The following JMJD1C variants were observed in gnomAD, a reference collection of about 807,000 sequenced individuals.
The protein encoded by JMJD1C is jumonji domain-containing protein 1C.
In JMJD1C, 31 loss-of-function variants were observed where a neutral mutation model predicts 245.3. That is an observed-to-expected ratio of 0.13 (90% CI 0.09 to 0.17). The LOEUF is 0.17. Ranked by LOEUF, JMJD1C falls within the 10% of genes least tolerant of loss-of-function variation. The pLI, the probability that JMJD1C is intolerant of heterozygous loss-of-function variation, is 1.00. For synonymous variants in JMJD1C, 1,057 were observed against 1,017.4 expected (o/e 1.04, Z -0.74); for missense variants, 2,691 against 3,000.2 (o/e 0.90, Z 2.41).
Position 63,193,004 on chromosome 10 carries a change from C to T in JMJD1C, c.6010G>A (p.Glu2004Lys). ...AACCAGTGCAGTGGTGACTGGGATT[C>T]TGGAGGAGTTAACTTGTTATCTGTG... is the stretch of plus-strand genomic sequence containing the variant. ...VGTDNKLTPPESQSPLHWLAD... is the reference protein window; with the variant it reads ...VGTDNKLTPPKSQSPLHWLAD... Residue 2004 changes from glutamate to lysine, a missense_variant, in exon 16 of 26, where the codon GAA becomes AAA. By Grantham distance (56) the Glu-to-Lys change is moderately conservative (BLOSUM62 1). Coordinates refer to ENST00000399262, the MANE Select transcript of JMJD1C (RefSeq NM_032776.3). 6.2e-7 allele frequency: 1 copy of T among 1,614,064 alleles called. No homozygotes were observed. The highest frequency in any genetic ancestry group is 1.7e-5 in the Admixed American group (1 of 60,014).
At chr10:63,245,499 T>TTTTTTTTTTA (rs1852089754) in intron 3 of JMJD1C, among the ~76,000 whole-genome samples, 2 of 146,392 alleles carry the variant, frequency 1.4e-5, no homozygotes, top group East Asian at 2.0e-4. Context: ...TTTTTTTTTT[T>TTTTTTTTTTA]GAGATGAAGT....
intron 3 of JMJD1C, among the ~76,000 whole-genome samples, chr10:63,223,664 C>T (rs865890811): frequency 2.0e-4 from 31 of 152,278 alleles, no homozygotes; most frequent in African/African-American, 7.2e-4. Flanking sequence ...AAATAATGGG[C>T]TATAAAACCA....
At chr10:63,493,403 T>G (rs1236090913) in intron 1 of JMJD1C, among the ~76,000 whole-genome samples, 1 of 151,754 alleles carries the variant, frequency 6.6e-6, no homozygotes, top group Admixed American at 6.6e-5. Flanking sequence ...TGCCTCCGCC[T>G]CATGAGTAGC....
chr10:63,380,203 C>CA (rs1231732223), intron 2 of JMJD1C, 115 bp downstream of exon 2: 1 of 1,040,028 alleles, frequency 9.6e-7, no homozygotes, highest in Admixed American at 1.8e-5. Context: ...TTCAGCCTCT[C>CA]AAAGTGCTAG....
Position 63,184,743 on chromosome 10 carries a change from A to C in JMJD1C, c.6831-5T>G. 1 of 1,600,834 alleles carries C rather than the reference A, an allele frequency of 6.2e-7. No homozygotes were observed. The highest frequency in any genetic ancestry group is 8.5e-7 in the Non-Finnish European group (1 of 1,175,384). ...CTTTTTAAAAGATCTTCGTATCTGAAGAAAAACAACATTGCCTTCTTATAA... is the reference window on the plus strand; with the variant it reads ...CTTTTTAAAAGATCTTCGTATCTGACGAAAAACAACATTGCCTTCTTATAA... On this transcript the variant is annotated splice_polypyrimidine_tract_variant and splice_region_variant and intron_variant, in intron 20 of 25. Coordinates refer to ENST00000399262, the MANE Select transcript of JMJD1C (RefSeq NM_032776.3).
chr10:63,476,603 C>G (rs1953668497), intron 1 of JMJD1C, among the ~76,000 whole-genome samples: 1 of 152,072 alleles, frequency 6.6e-6, no homozygotes, highest in Non-Finnish European at 1.5e-5. Context: ...TGTGCACATG[C>G]AGCCCAAGCT....
intron 2 of JMJD1C, among the ~76,000 whole-genome samples, chr10:63,363,599 C>A (rs941039936): frequency 2.0e-5 from 3 of 152,042 alleles, no homozygotes; most frequent in Non-Finnish European, 4.4e-5. Context: ...CAGTTCCCAC[C>A]ATCACTTCTA....
intron 1 of JMJD1C, among the ~76,000 whole-genome samples, chr10:63,386,710 A>G (rs574837544): frequency 6.6e-6 from 1 of 152,160 alleles, no homozygotes; most frequent in African/African-American, 2.4e-5. Flanking sequence ...TGCCAACACC[A>G]AAGTGAAATG....
Position 63,441,544 on chromosome 10 carries a change from T to G in JMJD1C, c.168+23951A>C, listed in dbSNP as rs575893202. Among the ~76,000 whole-genome samples the G allele has an allele frequency of 9.2e-5, 14 of 152,244 alleles. No individual in the cohort carries two copies. In the South Asian group the frequency reaches 2.9e-3, roughly 32 times the overall value. Reference sequence around the variant, plus strand: ...ATTAATGGGAACTAATACCAATCACTCCTCCCTTCCTCCTGCATTAGATCA... The same window carrying G: ...ATTAATGGGAACTAATACCAATCACGCCTCCCTTCCTCCTGCATTAGATCA... On this transcript the variant is annotated intron_variant, in intron 1 of 25. Transcript: ENST00000399262.
chr10:63,357,836 C>CACAG, intron 2 of JMJD1C, among the ~76,000 whole-genome samples: 1 of 141,190 alleles, frequency 7.1e-6, no homozygotes, highest in East Asian at 2.0e-4. Flanking sequence ...GACACACACA[C>CACAG]ACACACACAC....
At chr10:63,435,962 A>G (rs1951038202) in intron 1 of JMJD1C, among the ~76,000 whole-genome samples, 1 of 152,162 alleles carries the variant, frequency 6.6e-6, no homozygotes, top group Non-Finnish European at 1.5e-5. Context: ...TAAATACCCA[A>G]TATGGTGGAA....
At chr10:63,505,076 G>T (rs1954676096) in intron 1 of JMJD1C, among the ~76,000 whole-genome samples, 1 of 152,136 alleles carries the variant, frequency 6.6e-6, no homozygotes, top group Non-Finnish European at 1.5e-5. Flanking sequence ...ACTTTGGGAG[G>T]CCTAGGCAGG....
At chr10:63,474,089 TAAA>T (rs934471014) in intron 1 of JMJD1C, among the ~76,000 whole-genome samples, 2 of 148,968 alleles carry the variant, frequency 1.3e-5, no homozygotes, top group Non-Finnish European at 3.0e-5. Flanking sequence ...CTTGGTACAC[TAAA>T]AAAAATAATA....
chr10:63,318,319 C>T (rs1016958404), intron 2 of JMJD1C, among the ~76,000 whole-genome samples: 2 of 152,174 alleles, frequency 1.3e-5, no homozygotes, highest in Non-Finnish European at 2.9e-5. Context: ...TGTCAGCCAC[C>T]ACCCCCAGCT....
intron 2 of JMJD1C, 46 bp from the exon 3 acceptor site, chr10:63,264,810 T>C: frequency 1.2e-6 from 1 of 864,250 alleles, no homozygotes. Flanking sequence ...CTGGGTAGTA[T>C]CCTGAAATTA....
intron 1 of JMJD1C, among the ~76,000 whole-genome samples, chr10:63,501,831 T>C (rs759253369): frequency 2.6e-5 from 4 of 151,998 alleles, no homozygotes; most frequent in Non-Finnish European, 4.4e-5. Flanking sequence ...TTCTGCCACA[T>C]GATTGCTTTA....
At chr10:63,434,814 T>TAG (rs1415926805) in intron 1 of JMJD1C, among the ~76,000 whole-genome samples, 1 of 151,594 alleles carries the variant, frequency 6.6e-6, no homozygotes, top group African/African-American at 2.4e-5. Context: ...GAGAGTGAAA[T>TAG]TCTCTAAGTT....
chr10:63,176,452 C>T lies in JMJD1C; in HGVS notation c.7246G>A (p.Glu2416Lys). The T allele has an allele frequency of 6.2e-7, 1 of 1,613,348 alleles. No homozygotes were observed. Residue 2416 changes from glutamate to lysine, a missense_variant, in exon 24 of 26, where the codon GAA (glutamate) becomes AAA (lysine). By Grantham distance (56) the Glu-to-Lys change is moderately conservative (BLOSUM62 1). Around this residue, in one of 9 missense-constraint regions of JMJD1C, gnomAD observed 232 missense variants for 416.1 expected, o/e 0.56. Transcript: ENST00000399262. ...ATTGGATCATGTTCTGGTAGAACTT[C>T]AAGGCCTTGTTCTTTTGAAATCTGA... ...LQKISKEQGL[E>K]VLPEHDPIRD...
At chr10:63,410,832 G>C (rs921044684) in intron 1 of JMJD1C, among the ~76,000 whole-genome samples, 2 of 152,118 alleles carry the variant, frequency 1.3e-5, no homozygotes, top group African/African-American at 4.8e-5. Context: ...GATAAGAGCC[G>C]TATCTTCCAA....
Sources: allele counts gnomAD v4.1 joint callset (sites outside exome capture counted in the v4.1 genomes callset), GRCh38; gene constraint gnomAD v4.1.1; regional missense constraint gnomAD v4.1.1; transcripts MANE v1.5; gene names NCBI Gene and HGNC (gene_info 2026-07-23, HGNC 2026-07-21).